The following PCDH15 variants were observed in gnomAD, a reference collection of about 807,000 sequenced individuals.
PCDH15 encodes protocadherin-15.
A neutral mutation model predicts 178.5 loss-of-function variants in PCDH15; 129 were observed. The observed-to-expected ratio is 0.72, with a 90% confidence interval of 0.63 to 0.84. The LOEUF (loss-of-function observed/expected upper bound fraction) is 0.84, where lower values mean the gene tolerates loss of function less well. Among genes scored for constraint, PCDH15 ranks in the 40% least tolerant of loss-of-function variants. PCDH15 has a pLI of 0.00. For synonymous variants in PCDH15, 800 were observed against 732.0 expected (o/e 1.09, Z -1.50); for missense variants, 2,230 against 2,099.9 (o/e 1.06, Z -1.21).
chr10:54,398,018 C>A (rs1589212538), intron 3 of PCDH15, among the ~76,000 whole-genome samples: 1 of 151,820 alleles, frequency 6.6e-6, no homozygotes, highest in Non-Finnish European at 1.5e-5. Flanking sequence ...TTTGTTATTA[C>A]TTCAATTATC....
chr10:54,358,614 G>T (rs897925872), intron 5 of PCDH15, among the ~76,000 whole-genome samples: 4 of 151,634 alleles, frequency 2.6e-5, no homozygotes, highest in African/African-American at 9.7e-5. Context: ...GATTCCTCAG[G>T]GATCTAGAAC....
intron 1 of PCDH15, among the ~76,000 whole-genome samples, chr10:55,314,087 C>T (rs2132291856): frequency 6.6e-6 from 1 of 151,298 alleles, no homozygotes; most frequent in South Asian, 2.1e-4. Context: ...TAGATTTGAA[C>T]CCAGATATAT....
At chr10:53,988,853 A>G (rs1484074251) in intron 21 of PCDH15, among the ~76,000 whole-genome samples, 1 of 152,140 alleles carries the variant, frequency 6.6e-6, no homozygotes, top group Non-Finnish European at 1.5e-5. Context: ...TGAATTATTG[A>G]TACTGTTAAA....
At chr10:54,796,818 G>C (rs1952068709) in intron 1 of PCDH15, among the ~76,000 whole-genome samples, 1 of 151,970 alleles carries the variant, frequency 6.6e-6, no homozygotes, top group Non-Finnish European at 1.5e-5. Flanking sequence ...AGATTCTAAA[G>C]TAATAAAAAC....
chr10:54,079,493 A>G, intron 16 of PCDH15, 69 bp from the exon 17 acceptor site: 1 of 1,391,562 alleles, frequency 7.2e-7, no homozygotes, highest in South Asian at 1.2e-5. Context: ...TCTTCTTAGT[A>G]TAGTGAATTA....
At chr10:54,072,740 C>T (rs4465289) in intron 17 of PCDH15, among the ~76,000 whole-genome samples, 128,355 of 152,066 alleles carry the variant, frequency 0.84, 54,649 homozygotes, top group African/African-American at 0.94. Flanking sequence ...AAAATTTCCA[C>T]AGGTTCCATG....
At chr10:54,162,473 G>A (rs969700568) in intron 13 of PCDH15, among the ~76,000 whole-genome samples, 1 of 152,150 alleles carries the variant, frequency 6.6e-6, no homozygotes, top group African/African-American at 2.4e-5. Context: ...AGAAGAGAAG[G>A]TGAAATTGTG....
At chr10:55,396,874 T>C (rs1196344135) in intron 2 of PCDH15, among the ~76,000 whole-genome samples, 1 of 152,088 alleles carries the variant, frequency 6.6e-6, no homozygotes, top group African/African-American at 2.4e-5. Flanking sequence ...TAGAGAAAGG[T>C]TGGGGTAAGT....
At chr10:54,846,261 C>T (rs980933477) in intron 3 of PCDH15, among the ~76,000 whole-genome samples, 4 of 152,036 alleles carry the variant, frequency 2.6e-5, no homozygotes, top group Admixed American at 6.6e-5. Context: ...TATTTTTGCT[C>T]ATTATTCTAA....
chr10:54,221,198 G>A (rs1038805946), intron 9 of PCDH15, among the ~76,000 whole-genome samples: 2 of 152,022 alleles, frequency 1.3e-5, no homozygotes, highest in Non-Finnish European at 2.9e-5. Flanking sequence ...ATAATTATTA[G>A]AGCCAACATA....
chr10:54,305,747 C>A (rs1561672), intron 8 of PCDH15, among the ~76,000 whole-genome samples: 7,179 of 151,628 alleles, frequency 0.047, 525 homozygotes, highest in African/African-American at 0.16. Context: ...TTAGGGAAGC[C>A]TTTTTTAAGG....
intron 2 of PCDH15, among the ~76,000 whole-genome samples, chr10:55,067,718 G>A (rs898127085): frequency 6.7e-6 from 1 of 149,762 alleles, no homozygotes; most frequent in African/African-American, 2.5e-5. Context: ...CAGTGTATAA[G>A]AGTCTAATTT....
intron 3 of PCDH15, among the ~76,000 whole-genome samples, chr10:54,823,246 C>T (rs960411293): frequency 1.3e-5 from 2 of 151,956 alleles, no homozygotes; most frequent in Non-Finnish European, 2.9e-5. Flanking sequence ...CACGCACACG[C>T]ATATACATTT....
In PCDH15 at chr10:55,424,930, C is replaced by T. The variant is rs1244654554; in HGVS notation, c.-156+202695G>A. On this transcript the variant is annotated intron_variant, in intron 2 of 5. Transcript: ENST00000613346. ...ATATTAAAAAATATAATTATTTATA[C>T]GTTTACAGATATGAAATGGTTTGCA... is the stretch of plus-strand genomic sequence containing the variant. Among the ~76,000 whole-genome samples, 5 of 151,420 alleles carry T rather than the reference C, an allele frequency of 3.3e-5. No individual in the cohort carries two copies. The East Asian group carries it at 5.8e-4, about 18-fold the overall frequency.
At chr10:54,654,493 A>G (rs1223533113) in intron 2 of PCDH15, among the ~76,000 whole-genome samples, 1 of 152,168 alleles carries the variant, frequency 6.6e-6, no homozygotes, top group African/African-American at 2.4e-5. Flanking sequence ...AAATTATAGT[A>G]CTTGTCTAAG....
chr10:55,437,894 A>G (rs982856263), intron 2 of PCDH15, among the ~76,000 whole-genome samples: 1 of 142,690 alleles, frequency 7.0e-6, no homozygotes, highest in East Asian at 2.0e-4. Context: ...CGGGAGTGCA[A>G]TGGCGTGATC....
chr10:54,928,220 C>A (rs1274142247), intron 2 of PCDH15, among the ~76,000 whole-genome samples: 1 of 152,074 alleles, frequency 6.6e-6, no homozygotes, highest in Non-Finnish European at 1.5e-5. Context: ...ATAAAAGATT[C>A]TGGAATGAAA....
chr10:55,568,179 G>A (rs964854973), intron 2 of PCDH15, among the ~76,000 whole-genome samples: 6 of 151,870 alleles, frequency 4.0e-5, no homozygotes, highest in South Asian at 4.1e-4. Context: ...AGAGTAGAAC[G>A]GATAAGCAAA....
chr10:55,302,272 A>C (rs1340857827), intron 1 of PCDH15, among the ~76,000 whole-genome samples: 5 of 152,112 alleles, frequency 3.3e-5, no homozygotes, highest in African/African-American at 4.8e-5. Context: ...TTATTTCATA[A>C]AGTTCTATAG....
Sources: gnomAD v4.1 joint callset for allele counts (sites outside exome capture counted in the v4.1 genomes callset) on GRCh38, gnomAD v4.1.1 for gene constraint, MANE v1.5 for transcripts, NCBI Gene and HGNC (gene_info 2026-07-23, HGNC 2026-07-21) for gene names.